ZBBX: variants seen among roughly 807,000 people sequenced by gnomAD.
The protein encoded by ZBBX is zinc finger B-box domain containing, also known as zinc finger B-box domain-containing protein 1.
ZBBX carries 101 observed loss-of-function variants against 108.5 expected under a neutral mutation model. The observed-to-expected ratio is 0.93, with a 90% CI of 0.79 to 1.10. The LOEUF (loss-of-function observed/expected upper bound fraction) is 1.10. Ranked by LOEUF, ZBBX falls within the 50% of genes least tolerant of loss-of-function variation. The pLI is 0.00. For missense variants in ZBBX, 1,009 were observed against 941.4 expected, an observed-to-expected ratio of 1.07 and a Z score of -0.94; for synonymous variants, 356 against 323.4, an observed-to-expected ratio of 1.10 and a Z score of -1.08.
chr3:167,302,034 A>C (rs1056662656), intron 17 of ZBBX, among the ~76,000 whole-genome samples: 2 of 151,002 alleles, frequency 1.3e-5, no homozygotes, highest in South Asian at 2.1e-4. Context: ...TCGATTTATA[A>C]TTTATTGTAT....
chr3:167,341,492 A>C (rs1740527895), intron 9 of ZBBX, among the ~76,000 whole-genome samples: 1 of 151,942 alleles, frequency 6.6e-6, no homozygotes, highest in Admixed American at 6.6e-5. Context: ...ACCTGGTCTC[A>C]GGAAACATAA....
intron 4 of ZBBX, among the ~76,000 whole-genome samples, chr3:167,370,344 T>C (rs955757351): frequency 6.6e-6 from 1 of 152,170 alleles, no homozygotes; most frequent in Admixed American, 6.5e-5. Flanking sequence ...AATAATCCCA[T>C]GTTTCTTATT....
intron 19 of ZBBX, among the ~76,000 whole-genome samples, chr3:167,287,790 C>G (rs1170761247): frequency 6.6e-6 from 1 of 151,984 alleles, no homozygotes; most frequent in African/African-American, 2.4e-5. Context: ...AAATAGGCAT[C>G]TAAGTATAGA....
chr3:167,277,775 C>T (rs1727903397), intron 20 of ZBBX, among the ~76,000 whole-genome samples: 1 of 152,276 alleles, frequency 6.6e-6, no homozygotes, highest in Admixed American at 6.5e-5. Flanking sequence ...GAACTCTCTA[C>T]CCCAAATCAA....
At chr3:167,361,900 T>C (rs1453806900) in intron 6 of ZBBX, among the ~76,000 whole-genome samples, 1 of 152,172 alleles carries the variant, frequency 6.6e-6, no homozygotes, top group Non-Finnish European at 1.5e-5. Flanking sequence ...AATGAACCCA[T>C]TATTAGGGAA....
intron 11 of ZBBX, among the ~76,000 whole-genome samples, chr3:167,324,065 A>T (rs914461264): frequency 6.6e-6 from 1 of 152,168 alleles, no homozygotes; most frequent in Admixed American, 6.6e-5. Context: ...GTAATAAGAG[A>T]TACACAAAAT....
intron 1 of ZBBX, among the ~76,000 whole-genome samples, chr3:167,400,773 A>G (rs1359973829): frequency 1.3e-5 from 2 of 152,068 alleles, no homozygotes; most frequent in Admixed American, 1.3e-4. Context: ...TGTAAGATGA[A>G]CATTGATTGG....
intron 19 of ZBBX, among the ~76,000 whole-genome samples, chr3:167,283,298 A>C (rs144472075): frequency 3.3e-5 from 5 of 152,194 alleles, no homozygotes; most frequent in Admixed American, 2.0e-4. Context: ...TTCTCACAAA[A>C]TATTACTTAA....
At chr3:167,189,198 C>T in the ZBBX span, among the ~76,000 whole-genome samples, 11 of 152,080 alleles carry the variant, frequency 7.2e-5, no homozygotes, top group Non-Finnish European at 1.6e-4. Flanking sequence ...CCGCTATATC[C>T]TCAGATTACA....
In ZBBX at chr3:167,314,010, TCAGA is replaced by T. The variant is rs1439708197; in HGVS notation, c.1377_1380del (p.Cys459Ter). ...TCTTTATAATAAGTAGAGCTGTTTC[TCAGA>T]CAAAGATTTAAGAAGTCTCTCTTTC... On this transcript the variant is annotated frameshift_variant, in exon 16 of 22. Transcript: ENST00000675490. LOFTEE classifies it high-confidence loss of function. 7 of 1,604,150 alleles carry T rather than the reference TCAGA, an allele frequency of 4.4e-6. No individual in the cohort carries two copies. Among genetic ancestry groups the T allele is most frequent in the Admixed American group, 1.7e-5 (1 of 58,472 alleles).
At chr3:167,270,310 T>G (rs1319313275) in intron 20 of ZBBX, among the ~76,000 whole-genome samples, 1 of 152,120 alleles carries the variant, frequency 6.6e-6, no homozygotes, top group African/African-American at 2.4e-5. Context: ...CTCAGAAAAT[T>G]TCTAGGATTA....
the ZBBX span, among the ~76,000 whole-genome samples, chr3:167,226,171 A>T: frequency 6.6e-6 from 1 of 151,870 alleles, no homozygotes; most frequent in African/African-American, 2.4e-5. Context: ...ACAATAATAA[A>T]AGAGTTAGAG....
intron 9 of ZBBX, among the ~76,000 whole-genome samples, chr3:167,334,299 G>A (rs899199806): frequency 2.6e-5 from 4 of 152,084 alleles, no homozygotes; most frequent in Admixed American, 6.6e-5. Flanking sequence ...TAGGCCGGGC[G>A]TGGTGGCTCG....
intron 11 of ZBBX, among the ~76,000 whole-genome samples, chr3:167,326,074 G>T (rs1378180411): frequency 6.6e-6 from 1 of 152,080 alleles, no homozygotes; most frequent in Non-Finnish European, 1.5e-5. Context: ...AGGTAAATAT[G>T]TAAGTGCACA....
chr3:167,307,637 T>C (rs1432866406), intron 16 of ZBBX, among the ~76,000 whole-genome samples: 2 of 151,904 alleles, frequency 1.3e-5, no homozygotes, highest in African/African-American at 4.8e-5. Flanking sequence ...TGGAACAGAA[T>C]AGAAAACCCA....
intron 20 of ZBBX, among the ~76,000 whole-genome samples, chr3:167,251,216 T>A (rs1722534908): frequency 3.3e-5 from 5 of 152,134 alleles, no homozygotes; most frequent in Admixed American, 3.3e-4. Flanking sequence ...TTCTACTCAA[T>A]AAAACTTTGC....
Position 167,299,348 on chromosome 3 carries a change from A to G in ZBBX, c.1726-890T>C, listed in dbSNP as rs538881212. 4.1e-4 allele frequency among the ~76,000 whole-genome samples: 63 copies of G among 152,220 alleles called. No homozygotes were observed. The South Asian group carries it at 4.1e-3, about 10-fold the overall frequency. On this transcript the variant is annotated intron_variant, in intron 17 of 21. Coordinates refer to ENST00000675490, the MANE Select transcript of ZBBX (RefSeq NM_001199201.2). ...AAAGAACAAAGCTAGTGACCAATAA[A>G]GCATGTCATTCAAAGACAAATCGAA...
intron 4 of ZBBX, 102 bp from the exon 5 acceptor site, chr3:167,368,676 A>T: frequency 7.7e-7 from 1 of 1,304,742 alleles, no homozygotes; most frequent in Non-Finnish European, 9.9e-7. Context: ...AATAATAAAT[A>T]AAATATTTTA....
intron 20 of ZBBX, among the ~76,000 whole-genome samples, chr3:167,257,738 T>G (rs1000386824): frequency 1.3e-5 from 2 of 152,202 alleles, no homozygotes; most frequent in African/African-American, 4.8e-5. Flanking sequence ...TGATTTGCAT[T>G]TACCTGATCA....
Sources: allele counts gnomAD v4.1 joint callset (sites outside exome capture counted in the v4.1 genomes callset), GRCh38; gene constraint gnomAD v4.1.1; transcripts MANE v1.5; gene names NCBI Gene and HGNC (gene_info 2026-07-23, HGNC 2026-07-21).